The following RASGRF2 variants were observed in gnomAD, a reference collection of about 807,000 sequenced individuals.
The protein encoded by RASGRF2 is Ras protein specific guanine nucleotide releasing factor 2.
In RASGRF2, 76 loss-of-function variants were observed where a neutral mutation model predicts 151.0. The observed-to-expected ratio is 0.50, with a 90% CI of 0.42 to 0.61. RASGRF2 has a LOEUF of 0.61. RASGRF2 is among the 20% of genes least tolerant of loss of function. The probability of loss-of-function intolerance (pLI) is 0.00; values close to 1 mark genes in which losing one functional copy is unlikely to be tolerated. For synonymous variants in RASGRF2, 504 were observed against 566.5 expected, an observed-to-expected ratio of 0.89 and a Z score of 1.57; for missense variants, 1,148 against 1,564.6, an observed-to-expected ratio of 0.73 and a Z score of 4.49.
chr5:81,199,759 G>A (rs950772629), intron 18 of RASGRF2, among the ~76,000 whole-genome samples: 8 of 151,650 alleles, frequency 5.3e-5, no homozygotes, highest in African/African-American at 1.9e-4. Flanking sequence ...TTAGCCAGGC[G>A]TGGTGGCACA....
chr5:81,181,296 C>G (rs1424003993), intron 18 of RASGRF2, among the ~76,000 whole-genome samples: 1 of 152,118 alleles, frequency 6.6e-6, no homozygotes, highest in African/African-American at 2.4e-5. Context: ...TGAGGGCAGG[C>G]TCCTGAAACC....
intron 12 of RASGRF2, among the ~76,000 whole-genome samples, chr5:81,107,932 G>A (rs1202243004): frequency 2.6e-5 from 4 of 152,210 alleles, no homozygotes; most frequent in Non-Finnish European, 5.9e-5. Flanking sequence ...AAGACATGAG[G>A]AAAACAAAGT....
chr5:80,979,727 T>C (rs1470251131), intron 1 of RASGRF2, among the ~76,000 whole-genome samples: 1 of 152,200 alleles, frequency 6.6e-6, no homozygotes, highest in African/African-American at 2.4e-5. Flanking sequence ...GTATAAAGGA[T>C]GTCTATATTG....
rs376219744 is a variant in RASGRF2 at position 81,206,913 on chromosome 5, T to C, written c.2967+8T>C. 3 of 1,594,788 alleles carry C rather than the reference T, an allele frequency of 1.9e-6. No individual in the cohort carries two copies. The highest frequency in any genetic ancestry group is 1.7e-6 in the Non-Finnish European group (2 of 1,162,502). On this transcript the variant is annotated splice_region_variant and intron_variant, in intron 20 of 26. Coordinates refer to ENST00000265080, the MANE Select transcript of RASGRF2 (RefSeq NM_006909.3). ...GAGGATATAATTCAAATGGTAAGTC[T>C]GACCACATTTTTATCTAGCACAACT...
At chr5:81,160,626 C>G (rs575839610) in intron 17 of RASGRF2, among the ~76,000 whole-genome samples, 1 of 150,552 alleles carries the variant, frequency 6.6e-6, no homozygotes, top group African/African-American at 2.4e-5. Flanking sequence ...GAGCCAAGAT[C>G]GCGCCACTGC....
chr5:81,086,977 G>A (rs756748139), intron 9 of RASGRF2, 24 bp downstream of exon 9: 12 of 1,567,072 alleles, frequency 7.7e-6, no homozygotes, highest in African/African-American at 2.7e-5. Context: ...AAATGGACCC[G>A]CGACCTGATG....
intron 9 of RASGRF2, among the ~76,000 whole-genome samples, chr5:81,089,105 CACAG>C (rs1436518864): frequency 6.6e-6 from 1 of 152,174 alleles, no homozygotes; most frequent in African/African-American, 2.4e-5. Flanking sequence ...GTAATACAAT[CACAG>C]ACAATTTGGA....
At chr5:80,975,861 T>C (rs1017534418) in intron 1 of RASGRF2, among the ~76,000 whole-genome samples, 1 of 152,014 alleles carries the variant, frequency 6.6e-6, no homozygotes, top group Admixed American at 6.5e-5. Context: ...ATCTTTTTTT[T>C]TTTTTTTTTG....
chr5:81,128,205 G>T (rs1753521058), intron 17 of RASGRF2, among the ~76,000 whole-genome samples: 1 of 152,104 alleles, frequency 6.6e-6, no homozygotes, highest in African/African-American at 2.4e-5. Flanking sequence ...ATAAGTTCTG[G>T]AGATCAATTG....
chr5:81,062,079 C>G (rs1479111119), intron 2 of RASGRF2, among the ~76,000 whole-genome samples: 1 of 151,210 alleles, frequency 6.6e-6, no homozygotes, highest in Non-Finnish European at 1.5e-5. Context: ...TGGCCTCAAG[C>G]TATCCTCTCA....
At chr5:81,083,513 G>A (rs1266376338) in intron 7 of RASGRF2, among the ~76,000 whole-genome samples, 1 of 152,160 alleles carries the variant, frequency 6.6e-6, no homozygotes, top group Non-Finnish European at 1.5e-5. Context: ...ATCAAGCTAT[G>A]TTGAACTATG....
At chr5:81,187,447 C>A (rs1323886918) in intron 18 of RASGRF2, among the ~76,000 whole-genome samples, 1 of 152,224 alleles carries the variant, frequency 6.6e-6, no homozygotes, top group Non-Finnish European at 1.5e-5. Context: ...GTGCCTCATT[C>A]CTCTGAAACA....
chr5:81,009,618 A>G (rs1333063440), intron 1 of RASGRF2, among the ~76,000 whole-genome samples: 1 of 152,250 alleles, frequency 6.6e-6, no homozygotes. Context: ...CAAATAAAAA[A>G]TTGTATATAC....
Position 81,165,885 on chromosome 5 carries a change from C to A in RASGRF2, c.2687-14290C>A, listed in dbSNP as rs966335536. 4.2e-5 allele frequency among the ~76,000 whole-genome samples: 5 copies of A among 117,924 alleles called. No individual in the cohort carries two copies. In the South Asian group the frequency reaches 1.5e-3, roughly 35 times the overall value. The allele number at this position is 117,924 out of a possible 152,430, so 77.4% of individuals were successfully genotyped here. A position where few individuals can be genotyped will look rare whatever the true frequency, so the allele number is the denominator to read the frequency against. On this transcript the variant is annotated intron_variant, in intron 17 of 26. Transcript: ENST00000265080. Reference sequence around the variant, plus strand: ...CTTCTATAAGCCCTGGGACTTATTCCAACACACCAGGCCAGACTCCTGGTG... The same window carrying A: ...CTTCTATAAGCCCTGGGACTTATTCAAACACACCAGGCCAGACTCCTGGTG...
At chr5:81,030,332 C>A (rs1389742389) in intron 1 of RASGRF2, among the ~76,000 whole-genome samples, 2 of 152,056 alleles carry the variant, frequency 1.3e-5, no homozygotes, top group Admixed American at 1.3e-4. Flanking sequence ...AAGAGCAACT[C>A]CAAGACACAT....
chr5:81,051,487 T>A (rs1047560273), intron 2 of RASGRF2, among the ~76,000 whole-genome samples: 4 of 152,142 alleles, frequency 2.6e-5, no homozygotes, highest in Non-Finnish European at 5.9e-5. Flanking sequence ...CACTCTCAAT[T>A]CCCCACTTCC....
rs1046022086 is a variant in RASGRF2, at chr5:81,087,245, G to A, written c.1390+292G>A. The stretch of plus-strand genomic sequence containing the variant: ...ATTCTCTGCAGCTCCAAGGAGGACC[G>A]GTCGGCCTGGCCCACGGCCGTGGCA... On this transcript the variant is annotated intron_variant, in intron 9 of 26. Coordinates refer to ENST00000265080, the MANE Select transcript of RASGRF2 (RefSeq NM_006909.3). 3 of 702,942 alleles carry A rather than the reference G, an allele frequency of 4.3e-6. No homozygotes were observed. The African/African-American group carries it at 5.2e-5, about 12-fold the overall frequency. The allele number at this position is 702,942 out of a possible 1,614,324, so 43.5% of individuals were successfully genotyped here. A position where few individuals can be genotyped will look rare whatever the true frequency, so the allele number is the denominator to read the frequency against.
intron 9 of RASGRF2, 96 bp downstream of exon 9, chr5:81,087,049 G>A: frequency 8.6e-7 from 1 of 1,159,590 alleles, no homozygotes. Context: ...AGGCGTGACG[G>A]GTGCGGTGCC....
chr5:81,032,259 C>G (rs1157008287), intron 1 of RASGRF2, among the ~76,000 whole-genome samples: 1 of 152,178 alleles, frequency 6.6e-6, no homozygotes, highest in Non-Finnish European at 1.5e-5. Context: ...CTATTCCAAT[C>G]AACAGAAAAA....
Sources: gnomAD v4.1 joint callset for allele counts (sites outside exome capture counted in the v4.1 genomes callset) on GRCh38, gnomAD v4.1.1 for gene constraint, MANE v1.5 for transcripts, NCBI Gene and HGNC (gene_info 2026-07-23, HGNC 2026-07-21) for gene names.